Variants in TANC1 observed in about 807,000 individuals in gnomAD.
The protein encoded by TANC1 is protein TANC1.
TANC1 carries 77 observed loss-of-function variants against 149.7 expected under a neutral mutation model. The ratio of observed to expected loss-of-function variants is 0.51; its 90% CI spans 0.43 to 0.62. TANC1 has a LOEUF of 0.62. TANC1 is among the 20% of genes least tolerant of loss of function. TANC1 has a pLI of 0.00. For missense variants in TANC1, 1,985 were observed against 2,321.8 expected (o/e 0.85, Z 2.98); for synonymous variants, 854 against 925.0 (o/e 0.92, Z 1.39).
intron 1 of TANC1, among the ~76,000 whole-genome samples, chr2:158,970,472 A>AAT (rs1440712960): frequency 7.2e-5 from 11 of 152,192 alleles, no homozygotes; most frequent in Non-Finnish European, 1.5e-4. Context: ...ACTTCATTAT[A>AAT]GAAGTAGTCT....
chr2:159,207,697 CAAAAAAAA>C (rs10603858), intron 19 of TANC1, among the ~76,000 whole-genome samples: 20 of 49,432 alleles, frequency 4.0e-4, no homozygotes, highest in East Asian at 1.3e-3. Context: ...ACACGTGTCT[CAAAAAAAA>C]AAAAAAAAAA....
intron 4 of TANC1, among the ~76,000 whole-genome samples, chr2:159,113,465 C>T (rs1274452334): frequency 6.6e-6 from 1 of 152,152 alleles, no homozygotes; most frequent in Non-Finnish European, 1.5e-5. Flanking sequence ...AATAACCTAC[C>T]TACCATATGG....
At chr2:159,036,258 T>C (rs2040185300) in intron 2 of TANC1, among the ~76,000 whole-genome samples, 1 of 152,166 alleles carries the variant, frequency 6.6e-6, no homozygotes, top group African/African-American at 2.4e-5. Context: ...TTAGATACTA[T>C]GCCAGTGAGG....
chr2:158,978,998 A>G (rs775230885), intron 1 of TANC1, among the ~76,000 whole-genome samples: 2 of 152,150 alleles, frequency 1.3e-5, no homozygotes, highest in Non-Finnish European at 2.9e-5. Context: ...GGCATTTCCA[A>G]TGAGTTTTTA....
chr2:159,003,486 G>A (rs2036812116), intron 2 of TANC1, among the ~76,000 whole-genome samples: 1 of 152,146 alleles, frequency 6.6e-6, no homozygotes, highest in African/African-American at 2.4e-5. Flanking sequence ...CTCTAATAAA[G>A]GAACTTCATG....
At chr2:159,176,165 T>C (rs1389769281) in intron 12 of TANC1, among the ~76,000 whole-genome samples, 187 bp from the exon 13 acceptor site, 1 of 152,242 alleles carries the variant, frequency 6.6e-6, no homozygotes, top group East Asian at 1.9e-4. Flanking sequence ...TTGGTTTTCT[T>C]TTGGCTCTGT....
In TANC1 at chr2:158,995,412, T is replaced by A. The variant is rs111552232; in HGVS notation, c.-125-5668T>A. Among the ~76,000 whole-genome samples the A allele has an allele frequency of 2.1e-3, 321 of 152,328 alleles. 2 individuals carry two copies. Among genetic ancestry groups the A allele is most frequent in the Non-Finnish European group, 3.8e-3 (259 of 68,028 alleles). On this transcript the variant is annotated intron_variant, in intron 1 of 26. Coordinates refer to ENST00000263635, the MANE Select transcript of TANC1 (RefSeq NM_033394.3). Reference sequence around the variant, plus strand: ...AAATTCCAATGTGAAAACGTTAATCTTTGAAAACCCTGAGCTAGGCTCCTG... The same window carrying A: ...AAATTCCAATGTGAAAACGTTAATCATTGAAAACCCTGAGCTAGGCTCCTG...
At chr2:159,219,182 A>G (rs1386417329) in intron 20 of TANC1, 56 bp from the exon 21 acceptor site, 1 of 1,607,540 alleles carries the variant, frequency 6.2e-7, no homozygotes, top group Non-Finnish European at 8.5e-7. Context: ...GCCTGGGTAT[A>G]GCAGGTGTGG....
chr2:159,146,824 A>G (rs917945215), intron 5 of TANC1, among the ~76,000 whole-genome samples: 1 of 152,072 alleles, frequency 6.6e-6, no homozygotes, highest in Non-Finnish European at 1.5e-5. Flanking sequence ...TACAGGCGTG[A>G]GCCACCGCAC....
chr2:158,975,476 G>A (rs993707117), intron 1 of TANC1, among the ~76,000 whole-genome samples: 1 of 152,100 alleles, frequency 6.6e-6, no homozygotes, highest in African/African-American at 2.4e-5. Flanking sequence ...TGTATGTGAC[G>A]CCTGTTAGGT....
chr2:159,177,507 G>A (rs905726346), intron 13 of TANC1, among the ~76,000 whole-genome samples: 5 of 152,074 alleles, frequency 3.3e-5, no homozygotes, highest in Admixed American at 1.3e-4. Context: ...AACTTGATGC[G>A]TGTTTTTTGG....
chr2:159,116,139 G>GT (rs1305408471), intron 4 of TANC1, among the ~76,000 whole-genome samples: 4 of 152,092 alleles, frequency 2.6e-5, no homozygotes, highest in Non-Finnish European at 5.9e-5. Context: ...AAAAGTACCT[G>GT]TTAGTGGCTG....
chr2:159,121,101 C>T (rs2048804450), intron 4 of TANC1, among the ~76,000 whole-genome samples: 1 of 152,304 alleles, frequency 6.6e-6, no homozygotes, highest in Admixed American at 6.5e-5. Context: ...GGTCTAATAA[C>T]ATGTTTGCTG....
chr2:159,003,721 T>C (rs2149337702), intron 2 of TANC1, among the ~76,000 whole-genome samples: 1 of 152,170 alleles, frequency 6.6e-6, no homozygotes, highest in Non-Finnish European at 1.5e-5. Context: ...CTGTATCACG[T>C]TGGATCTGCT....
At chr2:159,024,924 C>CAT (rs1559143908) in intron 2 of TANC1, among the ~76,000 whole-genome samples, 1 of 152,186 alleles carries the variant, frequency 6.6e-6, no homozygotes, top group Non-Finnish European at 1.5e-5. Context: ...TAGGCTCTAG[C>CAT]ATATAGCCCA....
chr2:158,986,303 G>C (rs2034994909), intron 1 of TANC1, among the ~76,000 whole-genome samples: 1 of 152,168 alleles, frequency 6.6e-6, no homozygotes, highest in South Asian at 2.1e-4. Context: ...ACAAGGTATG[G>C]ATGATGAACA....
intron 5 of TANC1, among the ~76,000 whole-genome samples, chr2:159,145,393 G>A (rs910182975): frequency 6.6e-6 from 1 of 152,214 alleles, no homozygotes; most frequent in East Asian, 1.9e-4. Context: ...TGGTTTATAA[G>A]CTGTTTCTCA....
chr2:159,178,668 A>G lies in TANC1; in HGVS notation c.2015A>G (p.Gln672Arg), dbSNP rs2056141383. Residue 672 changes from glutamine to arginine, a missense_variant, in exon 14 of 27, where the codon CAG (glutamine) becomes CGG (arginine). By Grantham distance (43) the Gln-to-Arg change is conservative. Around this residue, in one of 3 missense-constraint regions of TANC1, gnomAD observed 508 missense variants for 714.2 expected, o/e 0.71. Transcript: ENST00000263635. ...AYVQHRVHSS[Q>R]DILSNISLNG... The stretch of plus-strand genomic sequence containing the variant: ...GTCCAGCACAGGGTGCACAGCAGCC[A>G]GGACATCCTCAGCAACATCTCCCTG... 6.2e-7 allele frequency: 1 copy of G among 1,614,204 alleles called. No individual in the cohort carries two copies. Among genetic ancestry groups the G allele is most frequent in the South Asian group, 1.1e-5 (1 of 91,078 alleles).
At chr2:159,114,427 T>C (rs13021373) in intron 4 of TANC1, among the ~76,000 whole-genome samples, 36,319 of 152,194 alleles carry the variant, frequency 0.24, 5,721 homozygotes, top group Non-Finnish European at 0.36. Flanking sequence ...TTTTTTCTTA[T>C]AGTTTGTGGT....
Sources: gnomAD v4.1 joint callset for allele counts (sites outside exome capture counted in the v4.1 genomes callset) on GRCh38, gnomAD v4.1.1 for gene constraint, gnomAD v4.1.1 regional missense constraint, MANE v1.5 for transcripts, NCBI Gene and HGNC (gene_info 2026-07-23, HGNC 2026-07-21) for gene names.